The following MCM8 variants were observed in gnomAD, a reference collection of about 807,000 sequenced individuals.
MCM8 encodes DNA helicase MCM8.
In MCM8, 85 loss-of-function variants were observed where a neutral mutation model predicts 98.9. The observed-to-expected ratio is 0.86, with a 90% confidence interval of 0.72 to 1.03. MCM8 has a LOEUF of 1.03. MCM8 is among the 50% of genes least tolerant of loss of function. The pLI, the probability that MCM8 is intolerant of heterozygous loss-of-function variation, is 0.00. For synonymous variants in MCM8, 352 were observed against 338.6 expected (o/e 1.04, Z -0.44); for missense variants, 951 against 997.8 (o/e 0.95, Z 0.63).
At chr20:5,968,848 G>A (rs1157279627) in intron 10 of MCM8, among the ~76,000 whole-genome samples, 1 of 152,206 alleles carries the variant, frequency 6.6e-6, no homozygotes. Context: ...GTAGGGTGTT[G>A]CTCATAGAGA....
In MCM8 at chr20:5,994,474, GACAGACACACACACAC is replaced by G. The variant is rs1193133416; in HGVS notation, c.*87_*102del. 1.9e-5 allele frequency: 10 copies of G among 527,234 alleles called. No individual in the cohort carries two copies. In the East Asian group the frequency reaches 3.0e-4, roughly 16 times the overall value. 32.7% of individuals were successfully genotyped at this position (527,234 alleles called of 1,614,324 possible). A position where few individuals can be genotyped will look rare whatever the true frequency, so the allele number is the denominator to read the frequency against. On this transcript the variant is annotated 3_prime_UTR_variant, in exon 19 of 19. Coordinates refer to ENST00000610722, the MANE Select transcript of MCM8 (RefSeq NM_032485.6). ...GAAGATATGCGTGCACGCACAGACA[GACAGACACACACACAC>G]ACACACACACACACACACACACACA...
chr20:5,966,670 C>T (rs2089281150), intron 8 of MCM8, among the ~76,000 whole-genome samples: 1 of 152,148 alleles, frequency 6.6e-6, no homozygotes, highest in South Asian at 2.1e-4. Context: ...TTTTTTCTCA[C>T]AAGACTTTAC....
At chr20:5,987,134 T>C in intron 16 of MCM8, 148 bp from the exon 17 acceptor site, 1 of 690,276 alleles carries the variant, frequency 1.4e-6, no homozygotes, top group Admixed American at 3.2e-5. Context: ...GCCCAGAGAA[T>C]TACTTCCATA....
At position 5,997,113 on chromosome 20, in the gene MCM8, A is replaced by G. The variant is rs569817359; in HGVS notation, c.*2722A>G. On this transcript the variant is annotated 3_prime_UTR_variant, in exon 19 of 19. Coordinates refer to ENST00000610722, the MANE Select transcript of MCM8 (RefSeq NM_032485.6). The stretch of plus-strand genomic sequence containing the variant: ...TTGCTGATTAAAACAAATCCTAAGT[A>G]CAAATGTCAGAACAGAAACATGCAA... 1.3e-5 allele frequency: 2 copies of G among 152,600 alleles called. No homozygotes were observed. Among genetic ancestry groups the G allele is most frequent in the East Asian group, 1.9e-4 (1 of 5,210 alleles). 9.5% of individuals were successfully genotyped at this position (152,600 alleles called of 1,614,324 possible).
chr20:5,968,626 G>A (rs1320879391), intron 10 of MCM8, among the ~76,000 whole-genome samples: 1 of 152,192 alleles, frequency 6.6e-6, no homozygotes. Context: ...TTACATAAGT[G>A]TGCTGCTTTT....
At chr20:5,959,571 C>T (rs557818497) in intron 7 of MCM8, among the ~76,000 whole-genome samples, 1 of 152,042 alleles carries the variant, frequency 6.6e-6, no homozygotes, top group African/African-American at 2.4e-5. Context: ...CACAATTTAT[C>T]CATTTTCCTG....
chr20:5,957,484 A>G (rs962665696), intron 6 of MCM8, among the ~76,000 whole-genome samples: 3 of 152,214 alleles, frequency 2.0e-5, no homozygotes, highest in African/African-American at 7.2e-5. Context: ...TTGGATGTGA[A>G]CTTATCAAGA....
At chr20:5,977,789 C>A in intron 12 of MCM8, 87 bp from the exon 13 acceptor site, 1 of 1,399,406 alleles carries the variant, frequency 7.1e-7, no homozygotes, top group Non-Finnish European at 9.9e-7. Flanking sequence ...GAATACCTAG[C>A]ATATACCTAA....
intron 5 of MCM8, among the ~76,000 whole-genome samples, chr20:5,956,770 T>C (rs573395075): frequency 6.6e-5 from 10 of 152,294 alleles, no homozygotes; most frequent in African/African-American, 2.4e-4. Flanking sequence ...TTTCTGTGTC[T>C]TGATTGGTCA....
chr20:5,960,021 C>T (rs1412316263), intron 7 of MCM8, among the ~76,000 whole-genome samples: 1 of 152,110 alleles, frequency 6.6e-6, no homozygotes, highest in Non-Finnish European at 1.5e-5. Flanking sequence ...AATTACTTTC[C>T]AGAGTATTGT....
chr20:5,962,352 CTTTTTTT>C lies in MCM8; in HGVS notation c.790-895_790-889del, dbSNP rs926577182. Among the ~76,000 whole-genome samples, 306 of 40,468 alleles carry C rather than the reference CTTTTTTT, an allele frequency of 7.6e-3. 1 individual carries two copies. The highest frequency in any genetic ancestry group is 0.025 in the Middle Eastern group (1 of 40). 26.5% of individuals were successfully genotyped at this position (40,468 alleles called of 152,430 possible). The stretch of plus-strand genomic sequence containing the variant: ...CAGGAGAAGGAATTAGCCTTCATTT[CTTTTTTT>C]TTTTTTTTTTTTTTTTTTTTTTTTT... On this transcript the variant is annotated intron_variant, in intron 7 of 18. Coordinates refer to ENST00000610722, the MANE Select transcript of MCM8 (RefSeq NM_032485.6).
chr20:5,978,348 AAG>A, intron 13 of MCM8, among the ~76,000 whole-genome samples: 1 of 152,180 alleles, frequency 6.6e-6, no homozygotes, highest in African/African-American at 2.4e-5. Context: ...GCCTGTTTTG[AAG>A]CTTTGTAGTA....
At chr20:5,972,994 C>T (rs1294312800) in intron 11 of MCM8, 62 bp from the exon 12 acceptor site, 16 of 1,563,988 alleles carry the variant, frequency 1.0e-5, no homozygotes, top group Middle Eastern at 1.7e-4. Flanking sequence ...AGGAATACCC[C>T]CTTTACTAGT....
chr20:5,991,198 C>G (rs1232394503), intron 17 of MCM8: 1 of 152,150 alleles, frequency 6.6e-6, no homozygotes, highest in Non-Finnish European at 1.5e-5. Flanking sequence ...TAGATTAGTT[C>G]TCCTATCTGA....
intron 11 of MCM8, 29 bp downstream of exon 11, chr20:5,972,066 A>G (rs1334004439): frequency 6.3e-7 from 1 of 1,576,822 alleles, no homozygotes; most frequent in Non-Finnish European, 8.7e-7. Context: ...CTTTACTCAA[A>G]AAGTATATAA....
rs1011450375 is a variant in MCM8 at position 5,994,474 on chromosome 20, GACAGAC to G, written c.*87_*92del. On this transcript the variant is annotated 3_prime_UTR_variant, in exon 19 of 19. Coordinates refer to ENST00000610722, the MANE Select transcript of MCM8 (RefSeq NM_032485.6). The stretch of plus-strand genomic sequence containing the variant: ...GAAGATATGCGTGCACGCACAGACA[GACAGAC>G]ACACACACACACACACACACACACA... 447 of 527,044 alleles carry G rather than the reference GACAGAC, an allele frequency of 8.5e-4. 1 individual carries two copies. The East Asian group carries it at 0.014, about 16-fold the overall frequency. The allele number at this position is 527,044 out of a possible 1,614,324, so 32.6% of individuals were successfully genotyped here.
chr20:5,969,608 A>AG (rs1338243403), intron 10 of MCM8, among the ~76,000 whole-genome samples: 1 of 152,024 alleles, frequency 6.6e-6, no homozygotes, highest in Non-Finnish European at 1.5e-5. Flanking sequence ...AAAAAAAAAA[A>AG]AAGTGATTTT....
chr20:5,998,776 A>G lies in MCM8; in HGVS notation c.*4385A>G, dbSNP rs1386992439. The G allele has an allele frequency of 1.3e-5, 2 of 152,226 alleles. No homozygotes were observed. Among genetic ancestry groups the G allele is most frequent in the Non-Finnish European group, 2.9e-5 (2 of 68,040 alleles). 9.4% of individuals were successfully genotyped at this position (152,226 alleles called of 1,614,324 possible). ...GTACTATACTTAAAATTATAAGGCA[A>G]TATTAATTCACAAAACTACCTACTC... is the stretch of plus-strand genomic sequence containing the variant. On this transcript the variant is annotated 3_prime_UTR_variant, in exon 19 of 19. Coordinates refer to ENST00000610722, the MANE Select transcript of MCM8 (RefSeq NM_032485.6).
chr20:5,972,400 G>T (rs1045745001), intron 11 of MCM8, among the ~76,000 whole-genome samples: 1 of 151,792 alleles, frequency 6.6e-6, no homozygotes, highest in African/African-American at 2.4e-5. Flanking sequence ...TAGAGATGGG[G>T]TTTTGCCATG....
Sources: gnomAD v4.1 joint callset for allele counts (sites outside exome capture counted in the v4.1 genomes callset) on GRCh38, gnomAD v4.1.1 for gene constraint, MANE v1.5 for transcripts, NCBI Gene and HGNC (gene_info 2026-07-23, HGNC 2026-07-21) for gene names.